The following BABAM2 variants were observed in gnomAD, a reference collection of about 807,000 sequenced individuals.
BABAM2 encodes BRISC and BRCA1-A complex member 2.
In BABAM2, 31 loss-of-function variants were observed where a neutral mutation model predicts 54.7. The ratio of observed to expected loss-of-function variants is 0.57; its 90% CI spans 0.43 to 0.77. BABAM2 has a LOEUF of 0.77. Among genes scored for constraint, BABAM2 ranks in the 30% least tolerant of loss-of-function variants. The probability of loss-of-function intolerance (pLI) is 0.00; values close to 1 mark genes in which losing one functional copy is unlikely to be tolerated. For missense variants in BABAM2, 364 were observed against 455.8 expected (o/e 0.80, Z 1.83); for synonymous variants, 167 against 162.9 (o/e 1.03, Z -0.19).
intron 7 of BABAM2, among the ~76,000 whole-genome samples, chr2:28,150,093 A>C (rs1320349846): frequency 6.6e-6 from 1 of 152,234 alleles, no homozygotes; most frequent in East Asian, 1.9e-4. Flanking sequence ...GAGCTCATGC[A>C]AACCAGACAC....
intron 11 of BABAM2, among the ~76,000 whole-genome samples, chr2:28,299,646 G>C (rs546597950): frequency 5.3e-5 from 8 of 152,062 alleles, no homozygotes; most frequent in Non-Finnish European, 1.0e-4. Context: ...AATGATAAAC[G>C]AATTAGAAAT....
chr2:27,912,727 C>G (rs2148309308), intron 2 of BABAM2, among the ~76,000 whole-genome samples: 1 of 152,222 alleles, frequency 6.6e-6, no homozygotes, highest in Admixed American at 6.5e-5. Context: ...TTGGATGACC[C>G]CTTCAAACTG....
chr2:28,239,620 G>A (rs935199128), intron 8 of BABAM2, among the ~76,000 whole-genome samples: 2 of 152,250 alleles, frequency 1.3e-5, no homozygotes. Flanking sequence ...AATGAGAGAA[G>A]TATTATTCTG....
At chr2:28,265,625 C>T (rs1344688916) in intron 10 of BABAM2, among the ~76,000 whole-genome samples, 1 of 152,082 alleles carries the variant, frequency 6.6e-6, no homozygotes, top group Admixed American at 6.5e-5. Context: ...TATTCATACA[C>T]ATGCATGCAC....
chr2:28,144,711 C>T (rs569398444), intron 7 of BABAM2, among the ~76,000 whole-genome samples: 17 of 152,304 alleles, frequency 1.1e-4, no homozygotes, highest in African/African-American at 3.4e-4. Context: ...CCAGAAGCCA[C>T]GACACTGAAG....
intron 3 of BABAM2, among the ~76,000 whole-genome samples, chr2:27,953,494 G>A (rs1269386023): frequency 6.6e-6 from 1 of 151,818 alleles, no homozygotes; most frequent in Non-Finnish European, 1.5e-5. Context: ...GTCTCTATAT[G>A]TTGCCCAGGC....
intron 10 of BABAM2, among the ~76,000 whole-genome samples, chr2:28,255,375 G>A (rs1683882949): frequency 6.6e-6 from 1 of 152,124 alleles, no homozygotes; most frequent in Admixed American, 6.5e-5. Context: ...CCAGGTTCAA[G>A]CGATTCTCCT....
chr2:28,224,582 A>G (rs1169773080), intron 7 of BABAM2, among the ~76,000 whole-genome samples: 3 of 152,194 alleles, frequency 2.0e-5, no homozygotes, highest in African/African-American at 7.2e-5. Context: ...ATGGTGCTCA[A>G]GACACTGCTG....
At chr2:27,957,598 AAG>A (rs573012595) in intron 3 of BABAM2, among the ~76,000 whole-genome samples, 53 of 152,322 alleles carry the variant, frequency 3.5e-4, no homozygotes, top group Admixed American at 9.8e-4. Context: ...CATTTTAAAA[AAG>A]AATTCGGTAG....
At chr2:28,144,010 T>C (rs1029989121) in intron 7 of BABAM2, among the ~76,000 whole-genome samples, 8 of 152,248 alleles carry the variant, frequency 5.3e-5, no homozygotes, top group African/African-American at 1.9e-4. Context: ...AGACCACTGC[T>C]TTGCGGTAAC....
chr2:28,090,150 A>C (rs917297394), intron 6 of BABAM2, among the ~76,000 whole-genome samples: 1 of 152,210 alleles, frequency 6.6e-6, no homozygotes, highest in African/African-American at 2.4e-5. Context: ...CTAGTACATG[A>C]GTAAAAGGTA....
At chr2:28,017,255 G>A (rs1674898645) in intron 4 of BABAM2, among the ~76,000 whole-genome samples, 1 of 152,172 alleles carries the variant, frequency 6.6e-6, no homozygotes, top group African/African-American at 2.4e-5. Context: ...TAGGTCAATA[G>A]CAAATTTATT....
intron 10 of BABAM2, among the ~76,000 whole-genome samples, chr2:28,286,530 C>G (rs1460314158): frequency 1.3e-5 from 2 of 152,202 alleles, no homozygotes. Flanking sequence ...CGCATTCCCT[C>G]GCTGGGCCTC....
chr2:27,931,837 T>C (rs1668117570), intron 3 of BABAM2, among the ~76,000 whole-genome samples: 1 of 152,120 alleles, frequency 6.6e-6, no homozygotes, highest in African/African-American at 2.4e-5. Flanking sequence ...ATGAATATAT[T>C]AGCCCCTGCC....
At position 27,894,622 on chromosome 2, in the gene BABAM2, C is replaced by T. The variant is rs1312766969; in HGVS notation, c.66C>T (p.Val22=). 1 of 1,613,996 alleles carries T rather than the reference C, an allele frequency of 6.2e-7. No individual in the cohort carries two copies. The highest frequency in any genetic ancestry group is 8.5e-7 in the Non-Finnish European group (1 of 1,179,956). Residue 22 remains valine, a synonymous_variant, in exon 2 of 12, where the codon GTC becomes GTT. Coordinates refer to ENST00000379624, the MANE Select transcript of BABAM2 (RefSeq NM_199191.3). ...PMLSPFISSV[V]RNGKVGLDAT... Reference sequence around the variant, plus strand: ...TCTCCCCTTTCATATCTAGCGTGGTCCGGAATGGAAAAGTGGGACTGGATG... The same window carrying T: ...TCTCCCCTTTCATATCTAGCGTGGTTCGGAATGGAAAAGTGGGACTGGATG...
chr2:27,917,522 A>G (rs1335617482), intron 2 of BABAM2, among the ~76,000 whole-genome samples: 1 of 152,116 alleles, frequency 6.6e-6, no homozygotes, highest in Non-Finnish European at 1.5e-5. Flanking sequence ...CTTGCATGGC[A>G]GAAGGGAAAA....
intron 3 of BABAM2, among the ~76,000 whole-genome samples, chr2:27,940,895 T>A (rs1418919426): frequency 6.6e-6 from 1 of 152,180 alleles, no homozygotes; most frequent in Non-Finnish European, 1.5e-5. Context: ...TGCAACATAT[T>A]CTATTGTCAC....
chr2:28,337,025 G>T (rs551724748), intron 11 of BABAM2, among the ~76,000 whole-genome samples: 1 of 152,238 alleles, frequency 6.6e-6, no homozygotes. Context: ...GAAATGGACT[G>T]TGGGAGGTTC....
At chr2:28,013,019 A>G (rs1674510406) in intron 4 of BABAM2, among the ~76,000 whole-genome samples, 1 of 152,164 alleles carries the variant, frequency 6.6e-6, no homozygotes, top group African/African-American at 2.4e-5. Context: ...GAAATTCAAG[A>G]TGGAGTGGGG....
Sources: gnomAD v4.1 joint callset for allele counts (sites outside exome capture counted in the v4.1 genomes callset) on GRCh38, gnomAD v4.1.1 for gene constraint, MANE v1.5 for transcripts, NCBI Gene and HGNC (gene_info 2026-07-23, HGNC 2026-07-21) for gene names.